STRBP: variants seen among roughly 807,000 people sequenced by gnomAD.
STRBP encodes spermatid perinuclear RNA binding protein, also known as spermatid perinuclear RNA-binding protein.
In STRBP, 13 loss-of-function variants were observed where a neutral mutation model predicts 80.1. That is an observed-to-expected ratio of 0.16 (90% confidence interval 0.11 to 0.26). The LOEUF is 0.26. Ranked by LOEUF, STRBP falls within the 10% of genes least tolerant of loss-of-function variation. The pLI, the probability that STRBP is intolerant of heterozygous loss-of-function variation, is 1.00. For synonymous variants in STRBP, 284 were observed against 291.2 expected, an observed-to-expected ratio of 0.98 and a Z score of 0.25; for missense variants, 485 against 815.2, an observed-to-expected ratio of 0.59 and a Z score of 4.93.
Position 123,169,990 on chromosome 9 carries a change from T to A in STRBP, c.447A>T (p.Ile149=). 6.2e-7 allele frequency: 1 copy of A among 1,610,320 alleles called. No homozygotes were observed. The highest frequency in any genetic ancestry group is 1.1e-5 in the South Asian group (1 of 89,964). ...GCGTGGGCTCTTTTGTATTCCGAAT[T>A]ATAATAGATGCCTCATTTACACATT... is the stretch of plus-strand genomic sequence containing the variant. ...VEQCVNEASI[I]IRNTKEPTLT... The change falls in exon 6 of 19, where the codon ATA becomes ATT. Residue 149 remains isoleucine (I), a synonymous_variant. Coordinates refer to ENST00000348403, the MANE Select transcript of STRBP (RefSeq NM_018387.5).
intron 3 of STRBP, chr9:123,112,332 G>A (rs556820835): frequency 1.8e-4 from 30 of 167,340 alleles, no homozygotes; most frequent in Non-Finnish European, 2.3e-4. Context: ...CCTGCCCCGC[G>A]GGGCTGCTGG....
chr9:123,234,922 A>G (rs2040506031), intron 2 of STRBP, among the ~76,000 whole-genome samples: 2 of 145,486 alleles, frequency 1.4e-5, no homozygotes, highest in East Asian at 4.5e-4. Context: ...CCTGGGCAAC[A>G]CAGACTCCAT....
Position 123,124,600 on chromosome 9 carries a change from A to G in STRBP, c.*997T>C, listed in dbSNP as rs2132291223. Reference sequence around the variant, plus strand: ...CTGATGTAATTGAAGAGGAAAGGAGACCCTTCAATGAATCCCAGCAAAATC... The same window carrying G: ...CTGATGTAATTGAAGAGGAAAGGAGGCCCTTCAATGAATCCCAGCAAAATC... On this transcript the variant is annotated 3_prime_UTR_variant, in exon 19 of 19. Coordinates refer to ENST00000348403, the MANE Select transcript of STRBP (RefSeq NM_018387.5). 1.0e-6 allele frequency: 1 copy of G among 985,388 alleles called. No individual in the cohort carries two copies. Among genetic ancestry groups the G allele is most frequent in the Admixed American group, 6.1e-5 (1 of 16,282 alleles). 61.0% of individuals were successfully genotyped at this position (985,388 alleles called of 1,614,324 possible). A position where few individuals can be genotyped will look rare whatever the true frequency, so the allele number is the denominator to read the frequency against.
chr9:123,222,948 T>C (rs936659516), intron 2 of STRBP, among the ~76,000 whole-genome samples: 1 of 150,632 alleles, frequency 6.6e-6, no homozygotes, highest in Non-Finnish European at 1.5e-5. Flanking sequence ...TCGAGGTGAA[T>C]ACCAAAAAAA....
chr9:123,133,382 T>A (rs1272962628), intron 16 of STRBP, among the ~76,000 whole-genome samples: 1 of 152,126 alleles, frequency 6.6e-6, no homozygotes, highest in Non-Finnish European at 1.5e-5. Flanking sequence ...TGAGTGGGGC[T>A]AGTGGGGGGA....
chr9:123,176,391 A>G (rs1031828425), intron 4 of STRBP, among the ~76,000 whole-genome samples: 1 of 152,224 alleles, frequency 6.6e-6, no homozygotes, highest in Non-Finnish European at 1.5e-5. Context: ...AGAAAACTGG[A>G]TCTGGAGTCA....
At chr9:123,169,873 C>CATATATATATAT (rs59261791) in intron 6 of STRBP, 29 bp downstream of exon 6, 1 of 992,332 alleles carries the variant, frequency 1.0e-6, no homozygotes, top group Non-Finnish European at 1.3e-6. Context: ...CAAATATATA[C>CATATATATATAT]ATATATATAT....
At chr9:123,174,555 C>T (rs1353784549) in intron 4 of STRBP, among the ~76,000 whole-genome samples, 1 of 152,226 alleles carries the variant, frequency 6.6e-6, no homozygotes, top group African/African-American at 2.4e-5. Flanking sequence ...GACCTGGATT[C>T]TACTCGTAGT....
intron 16 of STRBP, chr9:123,135,684 C>T (rs561187808): frequency 1.2e-5 from 2 of 161,072 alleles, no homozygotes; most frequent in South Asian, 1.8e-4. Context: ...AGCAAAGCCC[C>T]AGGTGCTCCT....
At chr9:123,158,746 C>A (rs557566321) in intron 9 of STRBP, among the ~76,000 whole-genome samples, 1 of 152,170 alleles carries the variant, frequency 6.6e-6, no homozygotes, top group Admixed American at 6.5e-5. Context: ...GAAAATAAGA[C>A]CAAATTTAAT....
chr9:123,141,003 T>C (rs2036569364), intron 13 of STRBP, among the ~76,000 whole-genome samples: 4 of 152,230 alleles, frequency 2.6e-5, no homozygotes, highest in South Asian at 4.1e-4. Context: ...TCAGAGGATA[T>C]AGGGACAGAT....
chr9:123,177,794 A>G (rs1564269129), intron 4 of STRBP, among the ~76,000 whole-genome samples: 1 of 152,230 alleles, frequency 6.6e-6, no homozygotes, highest in Non-Finnish European at 1.5e-5. Context: ...CTTATGTTAT[A>G]TATTTTACCA....
chr9:123,250,560 G>C (rs2040892255), intron 1 of STRBP, among the ~76,000 whole-genome samples: 1 of 152,094 alleles, frequency 6.6e-6, no homozygotes. Flanking sequence ...CTATATGTAG[G>C]TTGATTTGGT....
At chr9:123,251,076 C>T (rs1411726896) in intron 1 of STRBP, among the ~76,000 whole-genome samples, 1 of 152,168 alleles carries the variant, frequency 6.6e-6, no homozygotes, top group Non-Finnish European at 1.5e-5. Context: ...TGCAGTGAGC[C>T]ATGATCGTAC....
At chr9:123,200,960 A>G (rs2039304404) in intron 2 of STRBP, among the ~76,000 whole-genome samples, 1 of 151,728 alleles carries the variant, frequency 6.6e-6, no homozygotes, top group Non-Finnish European at 1.5e-5. Context: ...GATTTAATCT[A>G]GGAAGGTTGT....
intron 2 of STRBP, among the ~76,000 whole-genome samples, chr9:123,191,669 T>A (rs920448118): frequency 6.6e-6 from 1 of 152,154 alleles, no homozygotes; most frequent in Non-Finnish European, 1.5e-5. Flanking sequence ...CATCAAAAAA[T>A]ATCAATTTTT....
Position 123,126,733 on chromosome 9 carries a change from C to T in STRBP, c.1943-1060G>A, listed in dbSNP as rs2035909236. Among the ~76,000 whole-genome samples, 2 of 152,216 alleles carry T rather than the reference C, an allele frequency of 1.3e-5. No homozygotes were observed. The highest frequency in any genetic ancestry group is 3.2e-3 in the Middle Eastern group (1 of 316). On this transcript the variant is annotated intron_variant, in intron 18 of 18. Coordinates refer to ENST00000348403, the MANE Select transcript of STRBP (RefSeq NM_018387.5). This position sits in a 1 kb window ranked among gnomAD's most constrained non-coding sequence, Gnocchi z 4.4. Reference sequence around the variant, plus strand: ...AAAAGAAAGACACAGATTTAAATATCTGCCCCAAGCGGCAGATGTTTTGGC... The same window carrying T: ...AAAAGAAAGACACAGATTTAAATATTTGCCCCAAGCGGCAGATGTTTTGGC...
intron 16 of STRBP, among the ~76,000 whole-genome samples, chr9:123,133,620 C>T (rs540797704): frequency 6.6e-6 from 1 of 152,040 alleles, no homozygotes; most frequent in African/African-American, 2.4e-5. Flanking sequence ...CTCACTGCAA[C>T]CTCCACCTTC....
At position 123,150,593 on chromosome 9, in the gene STRBP, T is replaced by A. The variant is rs189654559; in HGVS notation, c.1046-2723A>T. ...GCCGTGTTTTCTTAAATAAATAAAT[T>A]AATTAATTAAAATAAACAAAAAAAG... On this transcript the variant is annotated intron_variant, in intron 11 of 18. Transcript: ENST00000348403. Among the ~76,000 whole-genome samples the A allele has an allele frequency of 4.4e-3, 673 of 152,006 alleles. 4 individuals are homozygous for A. The highest frequency in any genetic ancestry group is 0.015 in the African/African-American group (605 of 41,440).
Sources: gnomAD v4.1 joint callset for allele counts (sites outside exome capture counted in the v4.1 genomes callset) on GRCh38, gnomAD v4.1.1 for gene constraint, Gnocchi (gnomAD v3.1) non-coding constraint, MANE v1.5 for transcripts, NCBI Gene and HGNC (gene_info 2026-07-23, HGNC 2026-07-21) for gene names.